The following PGAP2 variants were observed in gnomAD, a reference collection of about 807,000 sequenced individuals.
The protein encoded by PGAP2 is acyltransferase PGAP2.
In PGAP2, 21 loss-of-function variants were observed where a neutral mutation model predicts 33.2. The ratio of observed to expected loss-of-function variants is 0.63; its 90% CI spans 0.45 to 0.91. The LOEUF (loss-of-function observed/expected upper bound fraction) is 0.91. Ranked by LOEUF, PGAP2 falls within the 40% of genes least tolerant of loss-of-function variation. The pLI, the probability that PGAP2 is intolerant of heterozygous loss-of-function variation, is 0.00. For missense variants in PGAP2, 345 were observed against 424.0 expected (o/e 0.81, Z 1.64); for synonymous variants, 161 against 172.9 (o/e 0.93, Z 0.54).
chr11:3,815,009 C>G (rs906813430), intron 2 of PGAP2, among the ~76,000 whole-genome samples: 3 of 151,054 alleles, frequency 2.0e-5, no homozygotes, highest in African/African-American at 7.3e-5. Flanking sequence ...ACAATCTTGG[C>G]TCACTGCGAC....
chr11:3,824,375 A>C lies in PGAP2; in HGVS notation c.707A>C (p.Glu236Ala). The change falls in exon 5 of 7, where the codon GAG becomes GCG. Residue 236 changes from glutamate to alanine, a missense_variant and splice_region_variant. This residue lies in a region of PGAP2 where 311 missense variants were observed against 353.6 expected (regional missense o/e 0.88). Transcript: ENST00000278243. ...ACCAAGAAGCACACAGTAAGTCAGGAGGTACGGTCTATCCCTAGCGGGGGC... is the reference window on the plus strand; with the variant it reads ...ACCAAGAAGCACACAGTAAGTCAGGCGGTACGGTCTATCCCTAGCGGGGGC... ...RLTKKHTVSQ[E>A]DRKSYSWKQR... The C allele has an allele frequency of 6.2e-7, 1 of 1,614,132 alleles. No individual in the cohort carries two copies. The highest frequency in any genetic ancestry group is 8.5e-7 in the Non-Finnish European group (1 of 1,179,982).
chr11:3,798,050 C>T, intron 1 of PGAP2: 1 of 1,522,204 alleles, frequency 6.6e-7, no homozygotes, highest in Non-Finnish European at 8.8e-7. Context: ...AGTCTCTCTG[C>T]CCGCACTTCC....
chr11:3,798,037 C>G (rs7116540), intron 1 of PGAP2: 2 of 1,530,400 alleles, frequency 1.3e-6, no homozygotes, highest in East Asian at 5.0e-5. Flanking sequence ...GGGAAGGCTT[C>G]CTAGTCTCTC....
At chr11:3,822,433 G>A (rs924372707) in intron 3 of PGAP2, among the ~76,000 whole-genome samples, 1 of 152,130 alleles carries the variant, frequency 6.6e-6, no homozygotes, top group Non-Finnish European at 1.5e-5. Context: ...CACTTTGGGA[G>A]GCCAAGGCAG....
intron 1 of PGAP2, among the ~76,000 whole-genome samples, chr11:3,801,554 A>ATGG (rs959581834): frequency 6.8e-6 from 1 of 147,294 alleles, no homozygotes; most frequent in African/African-American, 2.5e-5. Context: ...AGGCAGGAGA[A>ATGG]TGGTGTGAAC....
At chr11:3,799,180 A>G (rs900915253) in intron 1 of PGAP2, among the ~76,000 whole-genome samples, 1 of 152,198 alleles carries the variant, frequency 6.6e-6, no homozygotes, top group African/African-American at 2.4e-5. Flanking sequence ...AAAGGTGGGC[A>G]TTTTCTAGAA....
chr11:3,825,027 A>G lies in PGAP2; in HGVS notation c.716A>G (p.Lys239Arg). ...AGACAGCCCATTCCCTAGGATCGCA[A>G]GTCCTACAGCTGGAAACAGCGGCTC... ...KKHTVSQEDR[K>R]SYSWKQRLFI... Residue 239 changes from lysine to arginine, a missense_variant, in exon 6 of 7, where the codon AAG (lysine) becomes AGG (arginine). This residue lies in a region of PGAP2 where 311 missense variants were observed against 353.6 expected (regional missense o/e 0.88). Coordinates refer to ENST00000278243, the MANE Select transcript of PGAP2 (RefSeq NM_014489.4). 1 of 1,614,212 alleles carries G rather than the reference A, an allele frequency of 6.2e-7. No individual in the cohort carries two copies. The highest frequency in any genetic ancestry group is 1.1e-5 in the South Asian group (1 of 91,090).
chr11:3,819,554 GGAAT>G (rs1370497697), intron 3 of PGAP2, among the ~76,000 whole-genome samples: 1 of 152,088 alleles, frequency 6.6e-6, no homozygotes, highest in Non-Finnish European at 1.5e-5. Flanking sequence ...TGAGGCCAAA[GGAAT>G]GAATCTTATG....
In PGAP2 at chr11:3,808,583, G is replaced by C; in HGVS notation, c.-79G>C. Reference sequence around the variant, plus strand: ...CCGTTCGCGCTCTGACCAGCCCGCAGAGCCAGCCCCCGACCCCGGGCCACC... The same window carrying C: ...CCGTTCGCGCTCTGACCAGCCCGCACAGCCAGCCCCCGACCCCGGGCCACC... On this transcript the variant is annotated 5_prime_UTR_variant, in exon 1 of 7. Coordinates refer to ENST00000278243, the MANE Select transcript of PGAP2 (RefSeq NM_014489.4). 7.3e-7 allele frequency: 1 copy of C among 1,362,004 alleles called. No homozygotes were observed. The highest frequency in any genetic ancestry group is 9.4e-7 in the Non-Finnish European group (1 of 1,058,468). The allele number at this position is 1,362,004 out of a possible 1,614,324, so 84.4% of individuals were successfully genotyped here.
upstream of PGAP2, chr11:3,808,299 T>C (rs183093939): frequency 7.4e-4 from 1,149 of 1,551,456 alleles, 8 homozygotes; most frequent in African/African-American, 0.014. Context: ...AACAGGTAGA[T>C]GGAACGCAGC....
At chr11:3,808,740 A>C (rs2084939418) in intron 1 of PGAP2, 89 bp downstream of exon 1, 1 of 587,860 alleles carries the variant, frequency 1.7e-6, no homozygotes, top group Non-Finnish European at 2.2e-6. Flanking sequence ...GCCGGGCCCC[A>C]CGCTGTGGGA....
intron 3 of PGAP2, among the ~76,000 whole-genome samples, chr11:3,820,469 G>GACC (rs1423624941): frequency 2.0e-5 from 3 of 152,166 alleles, no homozygotes; most frequent in African/African-American, 7.2e-5. Flanking sequence ...AGGAGTTCAA[G>GACC]ACCAGCCTGG....
intron 3 of PGAP2, among the ~76,000 whole-genome samples, chr11:3,819,287 G>C (rs1389287037): frequency 6.6e-6 from 1 of 152,080 alleles, no homozygotes; most frequent in African/African-American, 2.4e-5. Flanking sequence ...TGCTTCAGAA[G>C]ACCACTCTAG....
chr11:3,812,223 T>C (rs1565002125), intron 2 of PGAP2, among the ~76,000 whole-genome samples: 2 of 152,144 alleles, frequency 1.3e-5, no homozygotes, highest in East Asian at 3.9e-4. Context: ...TTACTGACTC[T>C]ATATTACCTG....
intron 5 of PGAP2, 77 bp from the exon 6 acceptor site, chr11:3,824,943 A>G: frequency 6.3e-7 from 1 of 1,597,258 alleles, no homozygotes; most frequent in Non-Finnish European, 8.5e-7. Flanking sequence ...CCCAGCCCTT[A>G]GGAGTTAGGG....
intron 3 of PGAP2, among the ~76,000 whole-genome samples, chr11:3,822,414 T>A (rs1271330457): frequency 6.6e-6 from 1 of 151,998 alleles, no homozygotes; most frequent in East Asian, 1.9e-4. Flanking sequence ...CTCATGCCTG[T>A]AGTGCCAGCA....
At chr11:3,822,244 G>A (rs965491750) in intron 3 of PGAP2, among the ~76,000 whole-genome samples, 13 of 151,882 alleles carry the variant, frequency 8.6e-5, no homozygotes, top group Admixed American at 3.9e-4. Flanking sequence ...GGCGCCTGTA[G>A]TCCCAGCTAC....
intron 2 of PGAP2, among the ~76,000 whole-genome samples, chr11:3,812,207 A>G (rs1368644958): frequency 6.6e-6 from 1 of 152,126 alleles, no homozygotes; most frequent in East Asian, 1.9e-4. Flanking sequence ...TATACTTGTA[A>G]TTCATTTACT....
rs952030525 is a variant in PGAP2, at chr11:3,825,534, A to G, written c.*76A>G. 2 of 1,454,278 alleles carry G rather than the reference A, an allele frequency of 1.4e-6. No individual in the cohort carries two copies. The highest frequency in any genetic ancestry group is 9.4e-7 in the Non-Finnish European group (1 of 1,062,250). 90.1% of individuals were successfully genotyped at this position (1,454,278 alleles called of 1,614,324 possible). A position where few individuals can be genotyped will look rare whatever the true frequency, so the allele number is the denominator to read the frequency against. ...ACACGATACCATTCTGGCCTTCCCC[A>G]CCCCACATCCTCTCTTGGCCTTACT... On this transcript the variant is annotated 3_prime_UTR_variant, in exon 7 of 7. Transcript: ENST00000278243.
Sources: gnomAD v4.1 joint callset for allele counts (sites outside exome capture counted in the v4.1 genomes callset) on GRCh38, gnomAD v4.1.1 for gene constraint, gnomAD v4.1.1 regional missense constraint, MANE v1.5 for transcripts, NCBI Gene and HGNC (gene_info 2026-07-23, HGNC 2026-07-21) for gene names.